Variants in TUBB8 observed in about 807,000 individuals in gnomAD.
The protein encoded by TUBB8 is tubulin beta-8 chain.
A neutral mutation model predicts 33.7 loss-of-function variants in TUBB8; 25 were observed. The ratio of observed to expected loss-of-function variants is 0.74; its 90% confidence interval spans 0.54 to 1.04. The LOEUF (loss-of-function observed/expected upper bound fraction) is 1.04. TUBB8 is among the 50% of genes least tolerant of loss of function. The pLI, the probability that TUBB8 is intolerant of heterozygous loss-of-function variation, is 0.00. For synonymous variants in TUBB8, 245 were observed against 240.1 expected (o/e 1.02, Z -0.19); for missense variants, 279 against 608.0 (o/e 0.46, Z 5.69).
chr10:66,194 T>C (rs376156435), intron 1 of TUBB8, among the ~76,000 whole-genome samples: 10,509 of 109,348 alleles, frequency 0.096, no homozygotes, highest in African/African-American at 0.22. Flanking sequence ...ACAGTACAAA[T>C]GGCTACTCAC....
intron 1 of TUBB8, 97 bp from the exon 2 acceptor site, chr10:49,009 A>G (rs1834421600): frequency 1.8e-6 from 2 of 1,142,594 alleles, no homozygotes; most frequent in Non-Finnish European, 1.2e-6. Flanking sequence ...CCCCATCCCT[A>G]GGCCGCCCTG....
In TUBB8 at chr10:48,132, C is replaced by T. The variant is rs41289245; in HGVS notation, c.278-18G>A. 2,256 of 1,547,806 alleles carry T rather than the reference C, an allele frequency of 1.5e-3. 1 individual carries two copies. The African/African-American group carries it at 0.027, about 19-fold the overall frequency. On this transcript the variant is annotated intron_variant, in intron 3 of 3. Transcript: ENST00000568584. ...ACACTGACCTGTAAGACAGCACAGC[C>T]GGTCACTCGACGGCCAGGTATACGG...
chr10:58,615 A>C (rs1834561647), intron 1 of TUBB8, among the ~76,000 whole-genome samples: 1 of 152,202 alleles, frequency 6.6e-6, no homozygotes, highest in African/African-American at 2.4e-5. Flanking sequence ...AAAAAGCAGG[A>C]GCAGAAAACA....
At chr10:53,884 G>A (rs1304733493), upstream of TUBB8, among the ~76,000 whole-genome samples, 1 of 152,290 alleles carries the variant, frequency 6.6e-6, no homozygotes, top group African/African-American at 2.4e-5. Flanking sequence ...TCCTCCTTTT[G>A]GTTTTAATTG....
upstream of TUBB8, chr10:49,305 C>T (rs1304053481): frequency 1.6e-5 from 24 of 1,506,750 alleles, no homozygotes; most frequent in Non-Finnish European, 2.0e-5. Flanking sequence ...GCGACCCAGC[C>T]CGCCCTCCGC....
intron 1 of TUBB8, among the ~76,000 whole-genome samples, chr10:58,147 A>C (rs1554740429): frequency 1.3e-5 from 2 of 152,232 alleles, no homozygotes; most frequent in Non-Finnish European, 2.9e-5. Flanking sequence ...CCACTTTGCT[A>C]AGACAACATG....
upstream of TUBB8, among the ~76,000 whole-genome samples, chr10:54,084 T>C (rs1834501186): frequency 6.7e-6 from 1 of 148,632 alleles, no homozygotes; most frequent in Non-Finnish European, 1.5e-5. Flanking sequence ...ATGTATAAAT[T>C]ATTTTTTTAC....
chr10:48,872 G>C lies in TUBB8; in HGVS notation c.98C>G (p.Ala33Gly), dbSNP rs782471513. ...VISDEHAIDS[A>G]GTYHGDSHLQ... ...GTGGCTGTCCCCGTGGTAGGTGCCA[G>C]CGGAGTCGATGGCATGTTCATCAGA... Residue 33 changes from alanine (A) to glycine (G), a missense_variant, in exon 2 of 4, where the codon GCT becomes GGT. By Grantham distance (60) the Ala-to-Gly change is moderately conservative. This residue lies in a region of TUBB8 where 56 missense variants were observed against 77.9 expected (regional missense o/e 0.72). Coordinates refer to ENST00000568584, the MANE Select transcript of TUBB8 (RefSeq NM_177987.3). 4 of 1,578,880 alleles carry C rather than the reference G, an allele frequency of 2.5e-6. No individual in the cohort carries two copies. Among genetic ancestry groups the C allele is most frequent in the Non-Finnish European group, 3.4e-6 (4 of 1,164,366 alleles).
At chr10:62,378 A>AT (rs71505857) in intron 1 of TUBB8, among the ~76,000 whole-genome samples, 37,181 of 150,390 alleles carry the variant, frequency 0.25, 2,950 homozygotes, top group Middle Eastern at 0.35. Flanking sequence ...AAAGCAACTA[A>AT]TAAAAACTCT....
chr10:67,976 G>C (rs1210371974), intron 1 of TUBB8, among the ~76,000 whole-genome samples: 2 of 152,150 alleles, frequency 1.3e-5, no homozygotes, highest in African/African-American at 4.8e-5. Context: ...TGGCTATGGT[G>C]CCCGGCTTTC....
At chr10:74,081 TCCGTCCTCACGGTGGACCCC>T (rs1358951042) in exon 1 of TUBB8, 2 of 148,058 alleles carry the variant, frequency 1.4e-5, no homozygotes, top group African/African-American at 2.7e-5. Context: ...GAGAGGAAGC[TCCGTCCTCACGGTGGACCCC>T]CCGTCCTCAC....
intron 1 of TUBB8, among the ~76,000 whole-genome samples, chr10:58,520 C>T (rs28863185): frequency 0.14 from 15,904 of 116,368 alleles, no homozygotes; most frequent in African/African-American, 0.27. Flanking sequence ...AGAGAAGACA[C>T]AGCACTGGCA....
chr10:66,761 C>T (rs1251826597), intron 1 of TUBB8, among the ~76,000 whole-genome samples: 2,898 of 109,952 alleles, frequency 0.026, no homozygotes, highest in African/African-American at 0.07. Flanking sequence ...CACTTGAGAA[C>T]AGGAGTTTGA....
chr10:73,370 G>A (rs1834762652), intron 1 of TUBB8, among the ~76,000 whole-genome samples: 1 of 152,222 alleles, frequency 6.6e-6, no homozygotes, highest in Non-Finnish European at 1.5e-5. Context: ...ACCAGGCCAG[G>A]TGGCTCACGC....
intron 1 of TUBB8, among the ~76,000 whole-genome samples, chr10:63,860 A>G (rs376121316): frequency 6.6e-6 from 1 of 152,078 alleles, no homozygotes; most frequent in Non-Finnish European, 1.5e-5. Context: ...ATGTTCATCT[A>G]TATCTGGGCA....
At chr10:68,463 T>G (rs367795285) in intron 1 of TUBB8, among the ~76,000 whole-genome samples, 4,902 of 107,554 alleles carry the variant, frequency 0.046, no homozygotes, top group African/African-American at 0.11. Context: ...GCCGCAATAC[T>G]GATACAGCAT....
At chr10:54,886 T>C (rs545714227) in intron 1 of TUBB8, among the ~76,000 whole-genome samples, 4 of 152,282 alleles carry the variant, frequency 2.6e-5, no homozygotes, top group Non-Finnish European at 5.9e-5. Context: ...GCCTCTTGAG[T>C]AGCTGGGATT....
At chr10:49,884 T>G (rs1346066022), upstream of TUBB8, 1 of 210,104 alleles carries the variant, frequency 4.8e-6, no homozygotes, top group African/African-American at 2.3e-5. Context: ...TTCTTAAAGC[T>G]GAGGACAGGT....
chr10:74,894 G>GGGGGGC (rs1834790556), upstream of TUBB8, among the ~76,000 whole-genome samples: 1 of 113,648 alleles, frequency 8.8e-6, no homozygotes, highest in African/African-American at 3.3e-5. Context: ...TTTTTTTTGA[G>GGGGGGC]ACGGAGTTTC....
Sources: allele counts gnomAD v4.1 joint callset (sites outside exome capture counted in the v4.1 genomes callset), GRCh38; gene constraint gnomAD v4.1.1; regional missense constraint gnomAD v4.1.1; transcripts MANE v1.5; gene names NCBI Gene and HGNC (gene_info 2026-07-23, HGNC 2026-07-21).